Variants in GCN1 observed in about 807,000 individuals in gnomAD.
The protein encoded by GCN1 is stalled ribosome sensor GCN1.
Under a neutral mutation model 288.4 loss-of-function variants are expected in GCN1, and 90 were observed. The ratio of observed to expected loss-of-function variants is 0.31; its 90% CI spans 0.26 to 0.37. GCN1 has a LOEUF of 0.37. Ranked by LOEUF, GCN1 falls within the 10% of genes least tolerant of loss-of-function variation. The pLI is 1.00. For missense variants in GCN1, 2,586 were observed against 3,419.9 expected, an observed-to-expected ratio of 0.76 and a Z score of 6.08; for synonymous variants, 1,386 against 1,420.2, an observed-to-expected ratio of 0.98 and a Z score of 0.54.
At chr12:120,138,563 G>T in intron 46 of GCN1, 132 bp downstream of exon 46, 7 of 1,066,794 alleles carry the variant, frequency 6.6e-6, no homozygotes, top group Non-Finnish European at 8.6e-6. Flanking sequence ...AGCCAAGTCT[G>T]ATCTTGCTAT....
At chr12:120,187,010 C>T (rs925019305) in intron 2 of GCN1, among the ~76,000 whole-genome samples, 18 of 152,076 alleles carry the variant, frequency 1.2e-4, no homozygotes, top group African/African-American at 3.9e-4. Context: ...GAAAAACCGT[C>T]GAGGATGCCA....
rs1036231765 is a variant in GCN1, at chr12:120,194,442, C to A, written c.18+238G>T. ...GGTCGGGCAAAGGCCCCGCCGAGCT[C>A]CAGCTGCTGAAGTCGAGGCGGGAGC... is the stretch of plus-strand genomic sequence containing the variant. On this transcript the variant is annotated intron_variant, in intron 1 of 57. Coordinates refer to ENST00000300648, the MANE Select transcript of GCN1 (RefSeq NM_006836.2). Among the ~76,000 whole-genome samples, 5 of 152,252 alleles carry A rather than the reference C, an allele frequency of 3.3e-5. No individual in the cohort carries two copies. The South Asian group carries it at 6.2e-4, about 19-fold the overall frequency.
chr12:120,170,083 C>A, intron 15 of GCN1, 86 bp downstream of exon 15: 1 of 1,233,624 alleles, frequency 8.1e-7, no homozygotes, highest in Non-Finnish European at 1.2e-6. Flanking sequence ...CAGGACCAAG[C>A]TAATCCTGAA....
chr12:120,145,158 C>T (rs1877325193), intron 39 of GCN1, 97 bp from the exon 40 acceptor site: 2 of 1,566,318 alleles, frequency 1.3e-6, no homozygotes, highest in Non-Finnish European at 1.8e-6. Flanking sequence ...GCCTCTTTCT[C>T]TTTACCCAAC....
At chr12:120,128,927 C>A (rs576731958) in intron 57 of GCN1, among the ~76,000 whole-genome samples, 1 of 149,802 alleles carries the variant, frequency 6.7e-6, no homozygotes, top group East Asian at 2.0e-4. Context: ...CTGCAACCTC[C>A]GTCTCCTGGG....
rs1877698041 is a variant in GCN1, at chr12:120,155,100, G to A, written c.3631-60C>T. The A allele has an allele frequency of 6.5e-7, 1 of 1,543,686 alleles. No homozygotes were observed. The highest frequency in any genetic ancestry group is 1.4e-5 in the African/African-American group (1 of 73,606). On this transcript the variant is annotated intron_variant, in intron 30 of 57. Coordinates refer to ENST00000300648, the MANE Select transcript of GCN1 (RefSeq NM_006836.2). This position sits in a 1 kb window ranked among gnomAD's most constrained non-coding sequence, Gnocchi z 4.9. The stretch of plus-strand genomic sequence containing the variant: ...GGCAGATCAATGACCTGGGCACCAG[G>A]ATTGTGAGGCAGGAAACTAGCCGCA...
chr12:120,157,957 G>A lies in GCN1; in HGVS notation c.2979C>T (p.Pro993=). The A allele has an allele frequency of 6.2e-7, 1 of 1,613,898 alleles. No homozygotes were observed. Among genetic ancestry groups the A allele is most frequent in the Non-Finnish European group, 8.5e-7 (1 of 1,179,898 alleles). ...ACTCCTCCTCCTCCTCACTGTGGTG[G>A]GGCATCTCCGTCAGCACCATCTTCA... is the stretch of plus-strand genomic sequence containing the variant. ...PFLKMVLTEM[P]HHSEEEEEWM... The change falls in exon 26 of 58, where the codon CCC becomes CCT. Residue 993 remains proline (P), a synonymous_variant. Coordinates refer to ENST00000300648, the MANE Select transcript of GCN1 (RefSeq NM_006836.2).
intron 14 of GCN1, among the ~76,000 whole-genome samples, chr12:120,171,246 A>G (rs1015284552): frequency 7.2e-5 from 11 of 152,086 alleles, no homozygotes; most frequent in Non-Finnish European, 1.2e-4. Context: ...CGAGCAGATC[A>G]CCCGAGGTCA....
rs749231482 is a variant in GCN1 at position 120,131,173 on chromosome 12, C to T, written c.7563+12G>A. On this transcript the variant is annotated intron_variant, in intron 55 of 57. Coordinates refer to ENST00000300648, the MANE Select transcript of GCN1 (RefSeq NM_006836.2). ...TGGCCTATGCCTATGGGATATGGCC[C>T]GAATGCCTTACCCTGTCCGCCGTGG... is the stretch of plus-strand genomic sequence containing the variant. 1.4e-5 allele frequency: 23 copies of T among 1,613,278 alleles called. No individual in the cohort carries two copies. Among genetic ancestry groups the T allele is most frequent in the Admixed American group, 6.7e-5 (4 of 60,004 alleles).
At chr12:120,177,889 C>T in intron 7 of GCN1, 137 bp from the exon 8 acceptor site, 1 of 706,450 alleles carries the variant, frequency 1.4e-6, no homozygotes, top group South Asian at 1.6e-5. Flanking sequence ...ATAGAGGTCC[C>T]ACTGATCACG....
intron 1 of GCN1, among the ~76,000 whole-genome samples, chr12:120,192,309 T>G (rs1256881777): frequency 1.3e-5 from 2 of 152,218 alleles, no homozygotes; most frequent in Non-Finnish European, 2.9e-5. Flanking sequence ...GCACAGTTTA[T>G]CACCCTGAAC....
Position 120,177,492 on chromosome 12 carries a change from T to C in GCN1, c.793A>G (p.Thr265Ala), listed in dbSNP as rs1215855634. ...HSEFKDLILP[T>A]IQKSLLRSPE... Reference sequence around the variant, plus strand: ...CTCCTCAGTAAGGACTTCTGTATGGTGGGCAGTATCAGATCCTTAAATTCT... The same window carrying C: ...CTCCTCAGTAAGGACTTCTGTATGGCGGGCAGTATCAGATCCTTAAATTCT... Residue 265 changes from threonine to alanine, a missense_variant, in exon 9 of 58, where the codon ACC becomes GCC. This residue lies in a region of GCN1 where 913 missense variants were observed against 1,107.0 expected (regional missense o/e 0.82). Transcript: ENST00000300648. 3.1e-6 allele frequency: 5 copies of C among 1,609,636 alleles called. No homozygotes were observed. Among genetic ancestry groups the C allele is most frequent in the Non-Finnish European group, 4.3e-6 (5 of 1,176,042 alleles).
chr12:120,163,409 T>C, intron 18 of GCN1, 150 bp from the exon 19 acceptor site: 1 of 639,990 alleles, frequency 1.6e-6, no homozygotes. Flanking sequence ...CTTCCTGCAA[T>C]GGGACCCACA....
intron 35 of GCN1, 97 bp from the exon 36 acceptor site, chr12:120,149,817 C>T: frequency 1.3e-6 from 2 of 1,537,134 alleles, no homozygotes; most frequent in Non-Finnish European, 1.8e-6. Flanking sequence ...CCAACGCTTA[C>T]TGGGGTTCTA....
chr12:120,140,487 C>T (rs1877153038), intron 45 of GCN1, among the ~76,000 whole-genome samples: 1 of 152,206 alleles, frequency 6.6e-6, no homozygotes, highest in Non-Finnish European at 1.5e-5. Context: ...GCCCTACCCA[C>T]TCACACAGCT....
chr12:120,138,207 C>T, intron 47 of GCN1, 116 bp downstream of exon 47: 1 of 920,556 alleles, frequency 1.1e-6, no homozygotes, highest in Non-Finnish European at 1.8e-6. Context: ...AATGCTTGCA[C>T]TGCACCCTCC....
Position 120,144,520 on chromosome 12 carries a change from C to G in GCN1, c.5353-72G>C. ...CCCAGCCCAAAAAACATGGGGCTCA[C>G]TGAAGGCTGAGGGCTCTGCCAACCA... is the stretch of plus-strand genomic sequence containing the variant. On this transcript the variant is annotated intron_variant, in intron 41 of 57. Transcript: ENST00000300648. This position sits in a 1 kb window ranked among gnomAD's most constrained non-coding sequence, Gnocchi z 4.7. The G allele has an allele frequency of 6.3e-7, 1 of 1,575,306 alleles. No individual in the cohort carries two copies. The highest frequency in any genetic ancestry group is 1.2e-5 in the South Asian group (1 of 86,080).
intron 5 of GCN1, among the ~76,000 whole-genome samples, chr12:120,181,465 C>CAAAAAAAA (rs71072594): frequency 0.015 from 1,125 of 73,748 alleles, 96 homozygotes; most frequent in Middle Eastern, 0.022. Context: ...ATCTTTGTCT[C>CAAAAAAAA]AAAAAAAAAA....
At chr12:120,152,967 G>A (rs977625124) in intron 33 of GCN1, among the ~76,000 whole-genome samples, 3 of 151,810 alleles carry the variant, frequency 2.0e-5, no homozygotes, top group East Asian at 3.9e-4. Context: ...CTATAAACCA[G>A]GTGAGTAGAA....
Sources: gnomAD v4.1 joint callset for allele counts (sites outside exome capture counted in the v4.1 genomes callset) on GRCh38, gnomAD v4.1.1 for gene constraint, gnomAD v4.1.1 regional missense constraint, Gnocchi (gnomAD v3.1) non-coding constraint, MANE v1.5 for transcripts, NCBI Gene and HGNC (gene_info 2026-07-23, HGNC 2026-07-21) for gene names.